The following ASB7 variants were observed in gnomAD, a reference collection of about 807,000 sequenced individuals.
ASB7 encodes the protein ankyrin repeat and SOCS box containing 7.
Under a neutral mutation model 32.5 loss-of-function variants are expected in ASB7, and 4 were observed. That is an observed-to-expected ratio of 0.12 (90% confidence interval 0.06 to 0.28). The LOEUF (loss-of-function observed/expected upper bound fraction) is 0.28. ASB7 is among the 10% of genes least tolerant of loss of function. ASB7 has a pLI of 1.00. For synonymous variants in ASB7, 172 were observed against 155.6 expected (o/e 1.11, Z -0.78); for missense variants, 181 against 407.1 (o/e 0.44, Z 4.78).
chr15:100,612,021 G>C, intron 3 of ASB7, 145 bp from the exon 4 acceptor site: 1 of 571,634 alleles, frequency 1.7e-6, no homozygotes, highest in Non-Finnish European at 3.1e-6. Context: ...CTATAGGCTT[G>C]CACCACCACA....
chr15:100,607,595 T>A (rs2039657208), intron 2 of ASB7, among the ~76,000 whole-genome samples: 1 of 152,230 alleles, frequency 6.6e-6, no homozygotes, highest in Non-Finnish European at 1.5e-5. Flanking sequence ...TTTAAACCTG[T>A]GGTTATTGTT....
At chr15:100,636,611 C>T (rs1007258013) in intron 5 of ASB7, among the ~76,000 whole-genome samples, 1 of 152,120 alleles carries the variant, frequency 6.6e-6, no homozygotes, top group East Asian at 1.9e-4. Context: ...CCCCACACCC[C>T]GCTGGGATCA....
At chr15:100,633,556 G>A (rs2039899998) in intron 5 of ASB7, among the ~76,000 whole-genome samples, 1 of 151,768 alleles carries the variant, frequency 6.6e-6, no homozygotes, top group South Asian at 2.1e-4. Context: ...CGGCCTGGGT[G>A]ACAAGAGTGA....
intron 5 of ASB7, among the ~76,000 whole-genome samples, chr15:100,631,291 G>A (rs889859251): frequency 2.6e-5 from 4 of 152,202 alleles, no homozygotes; most frequent in Admixed American, 6.5e-5. Context: ...CGTTGCCACT[G>A]AGGAACTGAA....
At chr15:100,614,906 GT>G (rs1281152220) in intron 4 of ASB7, among the ~76,000 whole-genome samples, 8 of 152,304 alleles carry the variant, frequency 5.3e-5, no homozygotes, top group African/African-American at 1.9e-4. Flanking sequence ...CTGTATATAT[GT>G]ATGTATCTAG....
At chr15:100,622,578 A>G (rs1567114324) in intron 4 of ASB7, among the ~76,000 whole-genome samples, 1 of 152,234 alleles carries the variant, frequency 6.6e-6, no homozygotes, top group Non-Finnish European at 1.5e-5. Flanking sequence ...TCTAGTAACC[A>G]AAACAGCATG....
At chr15:100,619,276 A>G (rs994486766) in intron 4 of ASB7, among the ~76,000 whole-genome samples, 2 of 152,254 alleles carry the variant, frequency 1.3e-5, no homozygotes, top group African/African-American at 4.8e-5. Flanking sequence ...TTTTGGTTTT[A>G]GGAGATGAAG....
At chr15:100,644,074 C>G (rs1252198238) in intron 5 of ASB7, among the ~76,000 whole-genome samples, 1 of 151,900 alleles carries the variant, frequency 6.6e-6, no homozygotes, top group African/African-American at 2.4e-5. Context: ...ATGGTGAGAC[C>G]CCATCTCTAC....
At chr15:100,643,683 CG>C (rs1276011165) in intron 5 of ASB7, among the ~76,000 whole-genome samples, 1 of 150,510 alleles carries the variant, frequency 6.6e-6, no homozygotes, top group Admixed American at 6.6e-5. Flanking sequence ...TTAGTAGAGA[CG>C]GGGTTTCACC....
In ASB7 at chr15:100,611,484, C is replaced by CTTTTTTTTTTTTTTTTTTTTTTT. The variant is rs61153969; in HGVS notation, c.-51-669_-51-668insTTTTTTTTTTTTTTTTTTTTTTT. 8.1e-3 allele frequency among the ~76,000 whole-genome samples: 626 copies of CTTTTTTTTTTTTTTTTTTTTTTT among 77,102 alleles called. 194 individuals are homozygous for CTTTTTTTTTTTTTTTTTTTTTTT. Among genetic ancestry groups the CTTTTTTTTTTTTTTTTTTTTTTT allele is most frequent in the East Asian group, 0.03 (54 of 1,780 alleles). The allele number at this position is 77,102 out of a possible 152,430, so 50.6% of individuals were successfully genotyped here. A position where few individuals can be genotyped will look rare whatever the true frequency, so the allele number is the denominator to read the frequency against. On this transcript the variant is annotated intron_variant, in intron 3 of 5. Transcript: ENST00000332783. ...GGTTAATCACCAGATTGTTTCGATT[C>CTTTTTTTTTTTTTTTTTTTTTTT]TTTTTTTTTTTTTGAGACAGAATTT...
chr15:100,618,706 C>A (rs561556103), intron 4 of ASB7, among the ~76,000 whole-genome samples: 1 of 152,062 alleles, frequency 6.6e-6, no homozygotes, highest in African/African-American at 2.4e-5. Flanking sequence ...GCCAGCTGAT[C>A]CTTTATAAAC....
intron 4 of ASB7, among the ~76,000 whole-genome samples, chr15:100,624,385 A>G (rs1380640461): frequency 6.6e-6 from 1 of 152,238 alleles, no homozygotes; most frequent in Non-Finnish European, 1.5e-5. Flanking sequence ...ATCGTTACAC[A>G]TTCTGTGCAT....
At chr15:100,604,553 T>C (rs2039622767) in intron 2 of ASB7, among the ~76,000 whole-genome samples, 1 of 152,200 alleles carries the variant, frequency 6.6e-6, no homozygotes, top group African/African-American at 2.4e-5. Context: ...TCTTTACTGA[T>C]TCTGTTAATT....
intron 5 of ASB7, among the ~76,000 whole-genome samples, chr15:100,641,479 G>C (rs1255804759): frequency 6.6e-6 from 1 of 152,200 alleles, no homozygotes; most frequent in Non-Finnish European, 1.5e-5. Flanking sequence ...GGCAAGAGAA[G>C]TTCATACCTG....
rs561175777 is a variant in ASB7 at position 100,612,166 on chromosome 15, G to A, written c.-51G>A. 1 of 1,498,666 alleles carries A rather than the reference G, an allele frequency of 6.7e-7. No homozygotes were observed. Among genetic ancestry groups the A allele is most frequent in the Admixed American group, 1.7e-5 (1 of 58,558 alleles). The allele number at this position is 1,498,666 out of a possible 1,614,324, so 92.8% of individuals were successfully genotyped here. A position where few individuals can be genotyped will look rare whatever the true frequency, so the allele number is the denominator to read the frequency against. ...CCTTTTCTACCTTCTCTTCTTAAAG[G>A]CTGATCCCCGTAACCTAATGAATCC... is the stretch of plus-strand genomic sequence containing the variant. On this transcript the variant is annotated splice_region_variant and 5_prime_UTR_variant, in exon 4 of 6. Coordinates refer to ENST00000332783, the MANE Select transcript of ASB7 (RefSeq NM_198243.3).
At chr15:100,646,610 C>A in intron 5 of ASB7, 2 of 341,820 alleles carry the variant, frequency 5.9e-6, no homozygotes, top group Admixed American at 2.9e-5. Flanking sequence ...TCATTGATGG[C>A]CTATTTCTTG....
At chr15:100,613,500 C>A (rs1216067494) in intron 4 of ASB7, among the ~76,000 whole-genome samples, 1 of 152,256 alleles carries the variant, frequency 6.6e-6, no homozygotes, top group Admixed American at 6.5e-5. Flanking sequence ...CCCAGAAATT[C>A]TCTGGCCTGT....
At chr15:100,619,146 C>T (rs1249515695) in intron 4 of ASB7, among the ~76,000 whole-genome samples, 2 of 151,890 alleles carry the variant, frequency 1.3e-5, no homozygotes, top group African/African-American at 2.4e-5. Context: ...CTAGATAAAG[C>T]GTGGTTGGAG....
intron 2 of ASB7, among the ~76,000 whole-genome samples, chr15:100,606,574 G>A (rs531674831): frequency 6.6e-6 from 1 of 152,282 alleles, no homozygotes; most frequent in African/African-American, 2.4e-5. Flanking sequence ...GAAGCAAGAA[G>A]TTTTGGGTTT....
Sources: gnomAD v4.1 joint callset for allele counts (sites outside exome capture counted in the v4.1 genomes callset) on GRCh38, gnomAD v4.1.1 for gene constraint, MANE v1.5 for transcripts, NCBI Gene and HGNC (gene_info 2026-07-23, HGNC 2026-07-21) for gene names.